The following CNTN5 variants were observed in gnomAD, a reference collection of about 807,000 sequenced individuals.
CNTN5 encodes the protein contactin-5.
A neutral mutation model predicts 129.1 loss-of-function variants in CNTN5; 77 were observed. That is an observed-to-expected ratio of 0.60 (90% CI 0.50 to 0.72). The LOEUF is 0.72. Among genes scored for constraint, CNTN5 ranks in the 30% least tolerant of loss-of-function variants. The probability of loss-of-function intolerance (pLI) is 0.00; values close to 1 mark genes in which losing one functional copy is unlikely to be tolerated. For missense variants in CNTN5, 1,478 were observed against 1,328.8 expected (o/e 1.11, Z -1.75); for synonymous variants, 509 against 465.6 (o/e 1.09, Z -1.20).
intron 1 of CNTN5, among the ~76,000 whole-genome samples, chr11:99,283,838 T>G (rs773491559): frequency 6.6e-6 from 1 of 152,152 alleles, no homozygotes; most frequent in Non-Finnish European, 1.5e-5. Flanking sequence ...TATTAAACTT[T>G]GGAAGTGATT....
At chr11:99,632,246 TG>T (rs2135806214) in intron 3 of CNTN5, among the ~76,000 whole-genome samples, 1 of 151,788 alleles carries the variant, frequency 6.6e-6, no homozygotes, top group African/African-American at 2.4e-5. Context: ...TAGCTAAATA[TG>T]TTAATTGAAA....
intron 1 of CNTN5, among the ~76,000 whole-genome samples, chr11:99,085,927 A>G (rs575866728): frequency 1.3e-5 from 2 of 152,222 alleles, no homozygotes; most frequent in South Asian, 4.1e-4. Flanking sequence ...AATACTTACC[A>G]TTGTGTTCTA....
At chr11:99,201,383 T>TTCCTTCCTTCC (rs1859192868) in intron 1 of CNTN5, among the ~76,000 whole-genome samples, 4 of 26,036 alleles carry the variant, frequency 1.5e-4, no homozygotes, top group Admixed American at 4.2e-4. Flanking sequence ...TCCTTCCTTC[T>TTCCTTCCTTCC]TTCCTTCCTT....
chr11:100,055,954 A>T lies in CNTN5; in HGVS notation c.981-5258A>T, dbSNP rs573248621. Reference sequence around the variant, plus strand: ...ACTACATGTCTACTAACTGATGCCCATATTTATGTATTTTCTGTCTCCCTT... The same window carrying T: ...ACTACATGTCTACTAACTGATGCCCTTATTTATGTATTTTCTGTCTCCCTT... On this transcript the variant is annotated intron_variant, in intron 9 of 24. Coordinates refer to ENST00000524871, the MANE Select transcript of CNTN5 (RefSeq NM_014361.4). Among the ~76,000 whole-genome samples, 4 of 151,606 alleles carry T rather than the reference A, an allele frequency of 2.6e-5. No individual in the cohort carries two copies. The South Asian group carries it at 8.3e-4, about 31-fold the overall frequency.
chr11:99,932,672 C>A (rs1263995915), intron 7 of CNTN5, among the ~76,000 whole-genome samples: 1 of 152,060 alleles, frequency 6.6e-6, no homozygotes, highest in Non-Finnish European at 1.5e-5. Flanking sequence ...CATGTATATG[C>A]TGAAAGATTT....
chr11:99,169,442 G>T (rs11218617), intron 1 of CNTN5, among the ~76,000 whole-genome samples: 36,560 of 120,858 alleles, frequency 0.3, 4,551 homozygotes, highest in East Asian at 0.39. Context: ...GTACATATGT[G>T]TGTATATATG....
intron 13 of CNTN5, among the ~76,000 whole-genome samples, chr11:100,086,184 G>C (rs1021118210): frequency 1.3e-5 from 2 of 151,194 alleles, no homozygotes; most frequent in African/African-American, 2.4e-5. Context: ...ACATCTTTTT[G>C]AATTAATATC....
At chr11:99,961,204 C>CAG (rs1565725149) in intron 8 of CNTN5, among the ~76,000 whole-genome samples, 1 of 3,490 alleles carries the variant, frequency 2.9e-4, no homozygotes, top group Non-Finnish European at 5.4e-4. Flanking sequence ...GACTCCGTCT[C>CAG]AGAAAAAAAA....
At chr11:99,571,421 T>A (rs562674260) in intron 3 of CNTN5, among the ~76,000 whole-genome samples, 74 of 152,302 alleles carry the variant, frequency 4.9e-4, no homozygotes, top group African/African-American at 1.1e-3. Context: ...CTCAGTCTTA[T>A]AATGGAAACA....
chr11:99,529,367 C>T (rs1407864742), intron 2 of CNTN5, among the ~76,000 whole-genome samples: 1 of 152,198 alleles, frequency 6.6e-6, no homozygotes, highest in African/African-American at 2.4e-5. Flanking sequence ...CCCTTGTCAA[C>T]TTGGCACCTG....
At chr11:100,192,739 A>C (rs1201674211) in intron 14 of CNTN5, among the ~76,000 whole-genome samples, 5 of 152,012 alleles carry the variant, frequency 3.3e-5, no homozygotes, top group African/African-American at 1.2e-4. Flanking sequence ...TTATTGGTTC[A>C]AAGTTGCTCT....
At chr11:100,267,280 C>CACACACACAGAG (rs371454644) in intron 17 of CNTN5, among the ~76,000 whole-genome samples, 51 of 148,580 alleles carry the variant, frequency 3.4e-4, no homozygotes, top group East Asian at 3.1e-3. Context: ...CACACACACA[C>CACACACACAGAG]AGAGAGAGAG....
At chr11:99,128,810 A>T (rs990847438) in intron 1 of CNTN5, among the ~76,000 whole-genome samples, 1 of 152,044 alleles carries the variant, frequency 6.6e-6, no homozygotes, top group Non-Finnish European at 1.5e-5. Context: ...TCCACTGGTG[A>T]TATCCAGGTG....
intron 1 of CNTN5, among the ~76,000 whole-genome samples, chr11:99,167,564 T>C (rs1015729917): frequency 6.6e-6 from 1 of 152,144 alleles, no homozygotes; most frequent in Non-Finnish European, 1.5e-5. Flanking sequence ...ATATGCTCTA[T>C]TGGGAATGCA....
At chr11:99,583,832 C>T (rs1475064586) in intron 3 of CNTN5, among the ~76,000 whole-genome samples, 2 of 152,082 alleles carry the variant, frequency 1.3e-5, no homozygotes, top group African/African-American at 2.4e-5. Flanking sequence ...ACCCACAGTC[C>T]TGCACCTACT....
At chr11:99,915,133 C>G (rs187276209) in intron 6 of CNTN5, among the ~76,000 whole-genome samples, 72 of 152,060 alleles carry the variant, frequency 4.7e-4, no homozygotes, top group Admixed American at 3.2e-3. Context: ...TTTACAGACC[C>G]AGAATTCTGG....
chr11:99,742,106 T>G (rs1178777933), intron 3 of CNTN5, among the ~76,000 whole-genome samples: 1 of 152,106 alleles, frequency 6.6e-6, no homozygotes, highest in African/African-American at 2.4e-5. Context: ...GTCCATGTAA[T>G]TATAACACAA....
At chr11:100,101,901 T>C (rs1004567203) in intron 13 of CNTN5, among the ~76,000 whole-genome samples, 4 of 152,100 alleles carry the variant, frequency 2.6e-5, no homozygotes, top group Non-Finnish European at 5.9e-5. Flanking sequence ...TGCTGCGAAA[T>C]ATTATTTCCT....
chr11:99,992,430 G>GT lies in CNTN5; in HGVS notation c.878-9599dup, dbSNP rs559337233. Among the ~76,000 whole-genome samples the GT allele has an allele frequency of 7.2e-5, 11 of 152,238 alleles. No homozygotes were observed. In the East Asian group the frequency reaches 2.1e-3, roughly 29 times the overall value. On this transcript the variant is annotated intron_variant, in intron 8 of 24. Transcript: ENST00000524871. ...TTGACAGCATGACTCTCTGCATGCC[G>GT]TTTTTCAGACATTTTAGTCAGTTAT...
Sources: gnomAD v4.1 joint callset for allele counts (sites outside exome capture counted in the v4.1 genomes callset) on GRCh38, gnomAD v4.1.1 for gene constraint, MANE v1.5 for transcripts, NCBI Gene and HGNC (gene_info 2026-07-23, HGNC 2026-07-21) for gene names.